The following CACFD1 variants were observed in gnomAD, a reference collection of about 807,000 sequenced individuals.
The protein encoded by CACFD1 is calcium channel flower domain containing 1.
Under a neutral mutation model 21.3 loss-of-function variants are expected in CACFD1, and 26 were observed. The observed-to-expected ratio is 1.22, with a 90% CI of 0.89 to 1.69. CACFD1 has a LOEUF of 1.69. Among genes scored for constraint, CACFD1 ranks in the 40% most tolerant of loss-of-function variants. The pLI is 0.00. For missense variants in CACFD1, 265 were observed against 236.2 expected (o/e 1.12, Z -0.80); for synonymous variants, 121 against 106.6 (o/e 1.13, Z -0.83).
rs782331453 is a variant in CACFD1 at position 133,468,635 on chromosome 9, C to T, written c.501C>T (p.Thr167=). 3 of 1,582,114 alleles carry T rather than the reference C, an allele frequency of 1.9e-6. No individual in the cohort carries two copies. The East Asian group carries it at 6.8e-5, about 36-fold the overall frequency. Residue 167 remains threonine (T), a synonymous_variant, in exon 5 of 5, where the codon ACC becomes ACT. Transcript: ENST00000316948. ...CGGATGAGGAGAAGCTCGCGGAGAC[C>T]CTGGAGGGGGAGCTGTGAAGGGCTG... ...QQADEEKLAE[T]LEGEL
intron 3 of CACFD1, among the ~76,000 whole-genome samples, chr9:133,467,504 A>G (rs914045197): frequency 2.0e-5 from 3 of 152,208 alleles, no homozygotes; most frequent in East Asian, 1.9e-4. Flanking sequence ...TGTAGGTAAC[A>G]TGACTGACCT....
intron 4 of CACFD1, chr9:133,468,360 C>T: frequency 6.5e-7 from 1 of 1,535,814 alleles, no homozygotes. Context: ...GAGGCTGGTT[C>T]CTTCGCAGCC....
chr9:133,468,047 G>A lies in CACFD1; in HGVS notation c.428+19G>A. 1 of 1,600,372 alleles carries A rather than the reference G, an allele frequency of 6.2e-7. No homozygotes were observed. The highest frequency in any genetic ancestry group is 8.6e-7 in the Non-Finnish European group (1 of 1,168,398). The stretch of plus-strand genomic sequence containing the variant: ...GCAAAAAGTGCGTCTGCCAGGCCCA[G>A]CCCCTGGGCAGGGCCTTCCTCCCTC... On this transcript the variant is annotated intron_variant, in intron 4 of 4. Transcript: ENST00000316948.
intron 4 of CACFD1, chr9:133,468,342 C>T (rs1554799999): frequency 6.5e-7 from 1 of 1,535,484 alleles, no homozygotes; most frequent in Admixed American, 2.0e-5. Context: ...TCCTGCAGAG[C>T]CCAGACTGAG....
At position 133,470,730 on chromosome 9, in the gene CACFD1, C is replaced by T. The variant is rs112767008; in HGVS notation, c.*2077C>T. 2.3e-4 allele frequency: 35 copies of T among 152,656 alleles called. 1 individual carries two copies. The highest frequency in any genetic ancestry group is 6.5e-4 in the African/African-American group (27 of 41,580). The allele number at this position is 152,656 out of a possible 1,614,324, so 9.5% of individuals were successfully genotyped here. ...TGTTTGTTCCTCTGTGTTCTGTGTG[C>T]GTCTTAAGCAATAAAGCGTGGCCGT... On this transcript the variant is annotated 3_prime_UTR_variant, in exon 5 of 5. Coordinates refer to ENST00000316948, the MANE Select transcript of CACFD1 (RefSeq NM_017586.5).
chr9:133,461,025 T>G (rs1843186061), intron 1 of CACFD1, among the ~76,000 whole-genome samples: 1 of 64,860 alleles, frequency 1.5e-5, no homozygotes, highest in Admixed American at 1.9e-4. Flanking sequence ...GAAAGACAAG[T>G]CTGTCTGAGT....
At chr9:133,464,603 A>G (rs150842680) in intron 2 of CACFD1, among the ~76,000 whole-genome samples, 73 of 152,270 alleles carry the variant, frequency 4.8e-4, no homozygotes, top group Admixed American at 1.6e-3. Flanking sequence ...GCCTGGGGAC[A>G]GAAGGGCCTG....
Position 133,465,207 on chromosome 9 carries a change from G to A in CACFD1, c.195-115G>A. 8.0e-7 allele frequency: 1 copy of A among 1,249,196 alleles called. No homozygotes were observed. Among genetic ancestry groups the A allele is most frequent in the Non-Finnish European group, 1.2e-6 (1 of 863,870 alleles). 77.4% of individuals were successfully genotyped at this position (1,249,196 alleles called of 1,614,324 possible). ...GCCGGGCGGCTTCCCAGAGGAGGAG[G>A]GATGAGGGCAGGAGGGTGAGGGAGG... On this transcript the variant is annotated intron_variant, in intron 2 of 4. Coordinates refer to ENST00000316948, the MANE Select transcript of CACFD1 (RefSeq NM_017586.5). The surrounding 1 kb of genome is among the most constrained non-coding windows in gnomAD (Gnocchi z 5.0).
chr9:133,462,104 G>A (rs1217557552), intron 1 of CACFD1: 12 of 1,303,070 alleles, frequency 9.2e-6, no homozygotes, highest in Non-Finnish European at 1.2e-5. Flanking sequence ...GGAGCCTGCT[G>A]GTCTGGCTTG....
intron 2 of CACFD1, 49 bp downstream of exon 2, chr9:133,463,604 T>C: frequency 6.3e-7 from 1 of 1,595,496 alleles, no homozygotes; most frequent in Non-Finnish European, 8.6e-7. Context: ...TGGTCGGGAA[T>C]CTGCTGGGCA....
rs782234171 is a variant in CACFD1, at chr9:133,468,627, G to T, written c.493G>T (p.Ala165Ser). The part of the protein sequence containing the change: ...QRQQADEEKL[A>S]ETLEGEL ...GCAGCAGGCGGATGAGGAGAAGCTC[G>T]CGGAGACCCTGGAGGGGGAGCTGTG... Residue 165 changes from alanine (A) to serine (S), a missense_variant, in exon 5 of 5, where the codon GCG becomes TCG. By Grantham distance (99) the Ala-to-Ser change is moderately conservative. Coordinates refer to ENST00000316948, the MANE Select transcript of CACFD1 (RefSeq NM_017586.5). 18 of 1,585,616 alleles carry T rather than the reference G, an allele frequency of 1.1e-5. No individual in the cohort carries two copies. Among genetic ancestry groups the T allele is most frequent in the Admixed American group, 1.1e-4 (6 of 55,030 alleles).
intron 1 of CACFD1, 148 bp downstream of exon 1, chr9:133,460,335 G>T (rs929415951): frequency 2.3e-5 from 16 of 698,644 alleles, no homozygotes; most frequent in African/African-American, 1.1e-4. Flanking sequence ...GAGGAATGGC[G>T]GGGCCGCCGG....
At chr9:133,463,879 A>T (rs991369026) in intron 2 of CACFD1, among the ~76,000 whole-genome samples, 12 of 152,260 alleles carry the variant, frequency 7.9e-5, no homozygotes, top group African/African-American at 2.9e-4. Flanking sequence ...TGCAGATGCC[A>T]AGTCCACTAT....
In CACFD1 at chr9:133,469,495, A is replaced by T. The variant is rs1843589781; in HGVS notation, c.*842A>T. 1 of 152,186 alleles carries T rather than the reference A, an allele frequency of 6.6e-6. No individual in the cohort carries two copies. Among genetic ancestry groups the T allele is most frequent in the Non-Finnish European group, 1.5e-5 (1 of 68,122 alleles). The allele number at this position is 152,186 out of a possible 1,614,324, so 9.4% of individuals were successfully genotyped here. On this transcript the variant is annotated 3_prime_UTR_variant, in exon 5 of 5. Transcript: ENST00000316948. ...GGTTAGTGGGTCTGACCTCAGCCCC[A>T]CTCAGGTGCTCCTGCTGGCCTGCCC...
At position 133,461,296 on chromosome 9, in the gene CACFD1, G is replaced by A. The variant is rs587729974; in HGVS notation, c.121+1109G>A. ...TTGAGGCAGGAGGGTGCTGGGCTAG[G>A]AGTGTGCTGCCCTCGCTAGGCATGC... On this transcript the variant is annotated intron_variant, in intron 1 of 4. Coordinates refer to ENST00000316948, the MANE Select transcript of CACFD1 (RefSeq NM_017586.5). Among the ~76,000 whole-genome samples the A allele has an allele frequency of 1.6e-3, 244 of 152,310 alleles. 2 individuals are homozygous for A. Among genetic ancestry groups the A allele is most frequent in the African/African-American group, 4.8e-3 (201 of 41,568 alleles).
At chr9:133,462,507 C>T (rs932724102) in intron 1 of CACFD1, among the ~76,000 whole-genome samples, 3 of 152,212 alleles carry the variant, frequency 2.0e-5, no homozygotes, top group Non-Finnish European at 4.4e-5. Context: ...AATTCCAGAC[C>T]CAGGTGGAGG....
intron 3 of CACFD1, among the ~76,000 whole-genome samples, chr9:133,466,405 A>G (rs1554799572): frequency 2.0e-5 from 3 of 152,232 alleles, no homozygotes; most frequent in African/African-American, 7.2e-5. Flanking sequence ...TAACACAGTT[A>G]TAACCATTAT....
rs782801031 is a variant in CACFD1 at position 133,460,016 on chromosome 9, C to T, written c.-51C>T. The T allele has an allele frequency of 6.8e-7, 1 of 1,480,166 alleles. No individual in the cohort carries two copies. Among genetic ancestry groups the T allele is most frequent in the Non-Finnish European group, 9.0e-7 (1 of 1,116,484 alleles). 91.7% of individuals were successfully genotyped at this position (1,480,166 alleles called of 1,614,324 possible). A position where few individuals can be genotyped will look rare whatever the true frequency, so the allele number is the denominator to read the frequency against. ...GGCAGCGCGCCGGCTCGGACGCGGC[C>T]GGCTACCGAGCCCTTTGTGAGGGCT... is the stretch of plus-strand genomic sequence containing the variant. On this transcript the variant is annotated 5_prime_UTR_variant, in exon 1 of 5. Transcript: ENST00000316948.
At position 133,460,025 on chromosome 9, in the gene CACFD1, A is replaced by G. The variant is rs1554797831; in HGVS notation, c.-42A>G. On this transcript the variant is annotated 5_prime_UTR_variant, in exon 1 of 5. Coordinates refer to ENST00000316948, the MANE Select transcript of CACFD1 (RefSeq NM_017586.5). ...CCGGCTCGGACGCGGCCGGCTACCG[A>G]GCCCTTTGTGAGGGCTGTGAGCTGC... is the stretch of plus-strand genomic sequence containing the variant. 6.6e-7 allele frequency: 1 copy of G among 1,505,906 alleles called. No homozygotes were observed. Among genetic ancestry groups the G allele is most frequent in the Non-Finnish European group, 8.9e-7 (1 of 1,127,724 alleles). 93.3% of individuals were successfully genotyped at this position (1,505,906 alleles called of 1,614,324 possible). A position where few individuals can be genotyped will look rare whatever the true frequency, so the allele number is the denominator to read the frequency against.
Sources: gnomAD v4.1 joint callset for allele counts (sites outside exome capture counted in the v4.1 genomes callset) on GRCh38, gnomAD v4.1.1 for gene constraint, Gnocchi (gnomAD v3.1) non-coding constraint, MANE v1.5 for transcripts, NCBI Gene and HGNC (gene_info 2026-07-23, HGNC 2026-07-21) for gene names.